PALM2AKAP2: variants seen among roughly 807,000 people sequenced by gnomAD.
PALM2AKAP2 encodes the protein PALM2 and AKAP2 fusion.
A neutral mutation model predicts 71.5 loss-of-function variants in PALM2AKAP2; 37 were observed. That is an observed-to-expected ratio of 0.52 (90% confidence interval 0.40 to 0.68). The LOEUF (loss-of-function observed/expected upper bound fraction) is 0.68. Among genes scored for constraint, PALM2AKAP2 ranks in the 30% least tolerant of loss-of-function variants. The pLI is 0.00. For synonymous variants in PALM2AKAP2, 468 were observed against 478.8 expected, an observed-to-expected ratio of 0.98 and a Z score of 0.29; for missense variants, 1,224 against 1,191.8, an observed-to-expected ratio of 1.03 and a Z score of -0.40.
chr9:109,977,442 G>T (rs560418739), intron 6 of PALM2AKAP2, among the ~76,000 whole-genome samples: 1 of 152,094 alleles, frequency 6.6e-6, no homozygotes, highest in Admixed American at 6.6e-5. Flanking sequence ...GCAGAATTAG[G>T]CAGCCCATGT....
chr9:109,920,588 C>T (rs1041145311), intron 3 of PALM2AKAP2, among the ~76,000 whole-genome samples: 16 of 151,954 alleles, frequency 1.1e-4, no homozygotes, highest in African/African-American at 3.9e-4. Context: ...CCATGTTGAT[C>T]AGGCCAGTCC....
rs559146361 is a variant in PALM2AKAP2, at chr9:109,707,510, C to T, written c.5+66644C>T. Among the ~76,000 whole-genome samples, 12 of 152,250 alleles carry T rather than the reference C, an allele frequency of 7.9e-5. No individual in the cohort carries two copies. In the South Asian group the frequency reaches 2.1e-3, roughly 26 times the overall value. ...CAACTTGGTTTCCAGGGACAGCGTC[C>T]GTGTCCAGTGCCAGGTAGTGCAAGG... is the stretch of plus-strand genomic sequence containing the variant. On this transcript the variant is annotated intron_variant, in intron 1 of 6. Coordinates refer to the PALM2AKAP2 transcript ENST00000374531.
intron 1 of PALM2AKAP2, among the ~76,000 whole-genome samples, chr9:109,701,776 G>A (rs966909149): frequency 6.6e-6 from 1 of 152,146 alleles, no homozygotes; most frequent in East Asian, 1.9e-4. Context: ...CTTCTGCACG[G>A]CAAAAGAAAC....
At chr9:109,817,270 A>C (rs1490777582) in intron 1 of PALM2AKAP2, among the ~76,000 whole-genome samples, 1 of 152,176 alleles carries the variant, frequency 6.6e-6, no homozygotes, top group Non-Finnish European at 1.5e-5. Flanking sequence ...GTCTGATCAG[A>C]GGCCAATTTT....
chr9:109,747,887 T>G (rs1055827854), intron 1 of PALM2AKAP2, among the ~76,000 whole-genome samples: 1 of 152,156 alleles, frequency 6.6e-6, no homozygotes, highest in Non-Finnish European at 1.5e-5. Flanking sequence ...CCCAGGCTGG[T>G]CTTGAACTCC....
At chr9:110,006,317 CTTCCTTCTCTTTCTTTCTTTCT>C (rs1564256134) in intron 6 of PALM2AKAP2, among the ~76,000 whole-genome samples, 1 of 82,116 alleles carries the variant, frequency 1.2e-5, no homozygotes, top group African/African-American at 4.8e-5. Context: ...CCTTTCCTTC[CTTCCTTCTCTTTCTTTCTTTCT>C]TTCTTTCTTT....
intron 1 of PALM2AKAP2, among the ~76,000 whole-genome samples, chr9:110,135,172 A>AAAAAAAAACAT (rs1554755284): frequency 1.6e-5 from 1 of 61,100 alleles, no homozygotes; most frequent in Non-Finnish European, 3.1e-5. Context: ...AAAATATATA[A>AAAAAAAAACAT]ATATATATAT....
intron 1 of PALM2AKAP2, among the ~76,000 whole-genome samples, chr9:110,086,715 G>A (rs1834582808): frequency 6.6e-6 from 1 of 152,208 alleles, no homozygotes; most frequent in Non-Finnish European, 1.5e-5. Flanking sequence ...TGGACACAGA[G>A]GCAGTATTTT....
chr9:109,733,926 G>A (rs1038412353), intron 1 of PALM2AKAP2, among the ~76,000 whole-genome samples: 4 of 152,202 alleles, frequency 2.6e-5, no homozygotes, highest in Non-Finnish European at 4.4e-5. Context: ...ACTTGTAGGA[G>A]ACTGGAATAT....
chr9:110,053,336 G>C (rs928214629), intron 1 of PALM2AKAP2, among the ~76,000 whole-genome samples: 2 of 151,948 alleles, frequency 1.3e-5, no homozygotes, highest in Admixed American at 6.6e-5. Flanking sequence ...GACCAGCCTG[G>C]CCAACATGGT....
At chr9:110,067,789 A>G (rs1162016115) in intron 1 of PALM2AKAP2, among the ~76,000 whole-genome samples, 1 of 152,226 alleles carries the variant, frequency 6.6e-6, no homozygotes, top group African/African-American at 2.4e-5. Flanking sequence ...TTTCTAATGG[A>G]ATTTCTGATC....
intron 1 of PALM2AKAP2, among the ~76,000 whole-genome samples, chr9:110,126,750 G>A (rs1835615628): frequency 6.6e-6 from 1 of 152,074 alleles, no homozygotes; most frequent in South Asian, 2.1e-4. Context: ...TCCCCTCCCC[G>A]CTGCTGACCC....
intron 1 of PALM2AKAP2, among the ~76,000 whole-genome samples, chr9:109,792,820 T>C (rs990948985): frequency 6.6e-6 from 1 of 152,176 alleles, no homozygotes; most frequent in Non-Finnish European, 1.5e-5. Flanking sequence ...AGCAACTAAA[T>C]GTATAGGATG....
At chr9:109,904,417 T>A (rs1412324094) in intron 3 of PALM2AKAP2, among the ~76,000 whole-genome samples, 1 of 152,224 alleles carries the variant, frequency 6.6e-6, no homozygotes, top group Non-Finnish European at 1.5e-5. Context: ...TTCATGGGAA[T>A]ATAATTTTCT....
chr9:109,859,697 C>G lies in PALM2AKAP2; in HGVS notation c.46-7794C>G, dbSNP rs578257863. ...AAGTTATGTAGATGGAAATGCTGGT[C>G]CAAACTAAGGGATGAGGAATAAATA... On this transcript the variant is annotated intron_variant, in intron 1 of 9. Coordinates refer to the PALM2AKAP2 transcript ENST00000302798. Among the ~76,000 whole-genome samples, 3 of 152,282 alleles carry G rather than the reference C, an allele frequency of 2.0e-5. No individual in the cohort carries two copies. In the South Asian group the frequency reaches 6.2e-4, roughly 32 times the overall value.
At chr9:109,825,459 A>G (rs1587937267) in intron 1 of PALM2AKAP2, among the ~76,000 whole-genome samples, 1 of 152,240 alleles carries the variant, frequency 6.6e-6, no homozygotes, top group South Asian at 2.1e-4. Context: ...TTTGCAGCCT[A>G]CTCATCTGAC....
At chr9:109,659,274 A>G (rs1240078221) in intron 1 of PALM2AKAP2, among the ~76,000 whole-genome samples, 1 of 152,214 alleles carries the variant, frequency 6.6e-6, no homozygotes, top group Non-Finnish European at 1.5e-5. Context: ...GTACTGTTCA[A>G]TGGCTTTTAG....
At chr9:109,667,614 A>G (rs1827507368) in intron 1 of PALM2AKAP2, among the ~76,000 whole-genome samples, 1 of 152,074 alleles carries the variant, frequency 6.6e-6, no homozygotes, top group Non-Finnish European at 1.5e-5. Context: ...ACATGGTGAA[A>G]CCCCATCTCT....
intron 2 of PALM2AKAP2, among the ~76,000 whole-genome samples, chr9:110,146,892 G>C (rs1441283674): frequency 6.6e-6 from 1 of 152,076 alleles, no homozygotes; most frequent in East Asian, 1.9e-4. Context: ...AACTTAAAAG[G>C]GTTCCCAAAA....
Sources: allele counts gnomAD v4.1 joint callset (sites outside exome capture counted in the v4.1 genomes callset), GRCh38; gene constraint gnomAD v4.1.1; transcripts MANE v1.5; gene names NCBI Gene and HGNC (gene_info 2026-07-23, HGNC 2026-07-21).